CACNA1B: variants seen among roughly 807,000 people sequenced by gnomAD.
The protein encoded by CACNA1B is calcium voltage-gated channel subunit alpha1 B.
In CACNA1B, 70 loss-of-function variants were observed where a neutral mutation model predicts 247.2. That is an observed-to-expected ratio of 0.28 (90% CI 0.23 to 0.35). The LOEUF is 0.35. Ranked by LOEUF, CACNA1B falls within the 10% of genes least tolerant of loss-of-function variation. The pLI is 1.00. For missense variants in CACNA1B, 2,367 were observed against 3,197.4 expected (o/e 0.74, Z 6.26); for synonymous variants, 1,231 against 1,294.4 (o/e 0.95, Z 1.05).
At chr9:138,006,636 C>A in intron 15 of CACNA1B, 131 bp from the exon 16 acceptor site, 2 of 651,302 alleles carry the variant, frequency 3.1e-6, no homozygotes, top group Non-Finnish European at 5.7e-6. Flanking sequence ...ATCTAAAGAC[C>A]TGGATGTGCA....
intron 37 of CACNA1B, among the ~76,000 whole-genome samples, chr9:138,099,590 G>A (rs1961183016): frequency 6.6e-6 from 1 of 151,094 alleles, no homozygotes. Context: ...GTGTGTGCCT[G>A]TGGGTGTGCA....
At chr9:137,884,964 C>CT (rs1374665098) in intron 3 of CACNA1B, among the ~76,000 whole-genome samples, 2 of 109,128 alleles carry the variant, frequency 1.8e-5, no homozygotes, top group African/African-American at 3.3e-5. Flanking sequence ...TCTTCCCCCC[C>CT]CCCCTCCTCC....
chr9:137,923,476 C>T (rs1015220229), intron 6 of CACNA1B, among the ~76,000 whole-genome samples: 12 of 149,614 alleles, frequency 8.0e-5, no homozygotes, highest in Admixed American at 4.6e-4. Flanking sequence ...GGTAGTATTC[C>T]GTGGTGCCAG....
In CACNA1B at chr9:137,909,076, C is replaced by T. The variant is rs575390816; in HGVS notation, c.531-4104C>T. On this transcript the variant is annotated intron_variant, in intron 3 of 46. Coordinates refer to ENST00000371372, the MANE Select transcript of CACNA1B (RefSeq NM_000718.4). Reference sequence around the variant, plus strand: ...TGCAATCTCGGCTCACTGCAACCTCCGCCTCCTGGGTTCCAGCGATTCTCC... The same window carrying T: ...TGCAATCTCGGCTCACTGCAACCTCTGCCTCCTGGGTTCCAGCGATTCTCC... 5.3e-5 allele frequency among the ~76,000 whole-genome samples: 8 copies of T among 151,480 alleles called. No homozygotes were observed. The South Asian group carries it at 1.3e-3, about 24-fold the overall frequency.
rs200898118 is a variant in CACNA1B, at chr9:138,006,760, C to T, written c.1975-7C>T. ...GGGCTTGCCCTGTGTTCTCTCCATC[C>T]TGGCAGATCCTGACGGGAGAGGACT... On this transcript the variant is annotated splice_region_variant and splice_polypyrimidine_tract_variant and intron_variant, in intron 15 of 46. Coordinates refer to ENST00000371372, the MANE Select transcript of CACNA1B (RefSeq NM_000718.4). 1.3e-6 allele frequency: 2 copies of T among 1,548,640 alleles called. No individual in the cohort carries two copies. Among genetic ancestry groups the T allele is most frequent in the Non-Finnish European group, 1.8e-6 (2 of 1,121,150 alleles).
In CACNA1B at chr9:138,124,459, T is replaced by G. The variant is rs200178975; in HGVS notation, c.*2460T>G. The G allele has an allele frequency of 3.3e-5, 5 of 151,780 alleles. No homozygotes were observed. Among genetic ancestry groups the G allele is most frequent in the Non-Finnish European group, 5.9e-5 (4 of 67,982 alleles). The allele number at this position is 151,780 out of a possible 1,614,324, so 9.4% of individuals were successfully genotyped here. On this transcript the variant is annotated 3_prime_UTR_variant, in exon 47 of 47. Transcript: ENST00000371372. ...AAAAGTCCCAACCATGCAACACAAC[T>G]GGGACCTACTTAAAAAGAAATTCTG...
At chr9:137,931,938 T>C (rs1957612721) in intron 6 of CACNA1B, among the ~76,000 whole-genome samples, 2 of 152,134 alleles carry the variant, frequency 1.3e-5, no homozygotes, top group Admixed American at 1.3e-4. Flanking sequence ...GCCCCATGAC[T>C]CAGACAGCTG....
chr9:138,097,490 C>T (rs1025414471), intron 37 of CACNA1B, among the ~76,000 whole-genome samples: 2 of 152,220 alleles, frequency 1.3e-5, no homozygotes, highest in Non-Finnish European at 2.9e-5. Flanking sequence ...CTTGCTCGCT[C>T]ACTCACTCAA....
At chr9:138,065,190 G>A (rs1250876872) in intron 31 of CACNA1B, among the ~76,000 whole-genome samples, 3 of 152,166 alleles carry the variant, frequency 2.0e-5, no homozygotes, top group African/African-American at 7.2e-5. Flanking sequence ...TATCCTGCCT[G>A]TCTTCCAGCC....
rs577356761 is a variant in CACNA1B at position 138,054,368 on chromosome 9, C to T, written c.3968+362C>T. On this transcript the variant is annotated intron_variant, in intron 26 of 46. Coordinates refer to ENST00000371372, the MANE Select transcript of CACNA1B (RefSeq NM_000718.4). This position sits in a 1 kb window ranked among gnomAD's most constrained non-coding sequence, Gnocchi z 4.6. ...CTGGGCTGTAAGGTCAGAGGGGCTG[C>T]CCGATGGCTGGAGCTGCTGTCACTG... Among the ~76,000 whole-genome samples the T allele has an allele frequency of 9.2e-5, 14 of 152,338 alleles. No homozygotes were observed. The South Asian group carries it at 2.9e-3, about 32-fold the overall frequency.
rs1961675134 is a variant in CACNA1B, at chr9:138,112,487, C to G, written c.5518C>G (p.Leu1840Val). The G allele has an allele frequency of 1.2e-6, 2 of 1,608,386 alleles. No homozygotes were observed. The highest frequency in any genetic ancestry group is 1.7e-4 in the Middle Eastern group (1 of 6,054). The change falls in exon 40 of 47, where the codon CTG becomes GTG. Residue 1840 changes from leucine to valine, a missense_variant. This residue lies in a region of CACNA1B where 773 missense variants were observed against 779.4 expected (regional missense o/e 0.99). Transcript: ENST00000371372. ...TCTGCCCCAGAAGACTTTGGACTTGCTGGTACCACCCCATAAGCGTAAGTG... is the reference window on the plus strand; with the variant it reads ...TCTGCCCCAGAAGACTTTGGACTTGGTGGTACCACCCCATAAGCGTAAGTG... ...ANLPQKTLDL[L>V]VPPHKPDEMT...
rs199503260 is a variant in CACNA1B, at chr9:138,043,761, T to C, written c.3287-13T>C. ...CACTACACCCCTTACTCGGGGGCCC[T>C]GTGTCCTTGTAGGTGGTAACGTGGA... On this transcript the variant is annotated splice_polypyrimidine_tract_variant and intron_variant, in intron 20 of 46. Coordinates refer to ENST00000371372, the MANE Select transcript of CACNA1B (RefSeq NM_000718.4). 67 of 1,613,706 alleles carry C rather than the reference T, an allele frequency of 4.2e-5. No homozygotes were observed. Among genetic ancestry groups the C allele is most frequent in the Non-Finnish European group, 4.5e-5 (53 of 1,179,844 alleles).
rs568693626 is a variant in CACNA1B, at chr9:137,932,770, T to G, written c.966+15339T>G. Among the ~76,000 whole-genome samples the G allele has an allele frequency of 2.0e-5, 3 of 152,310 alleles. No individual in the cohort carries two copies. In the East Asian group the frequency reaches 5.8e-4, roughly 29 times the overall value. On this transcript the variant is annotated intron_variant, in intron 6 of 46. Transcript: ENST00000371372. The stretch of plus-strand genomic sequence containing the variant: ...GACCATACTTAGGCTGTCCATCCTT[T>G]AAAGCCCTTAACCAGGGATGGTTTC...
At chr9:138,114,970 C>T (rs1221748894) in intron 41 of CACNA1B, among the ~76,000 whole-genome samples, 1 of 152,176 alleles carries the variant, frequency 6.6e-6, no homozygotes, top group Non-Finnish European at 1.5e-5. Flanking sequence ...ACAGCCGTGT[C>T]TTCGGTGACC....
At chr9:137,995,834 C>A (rs1217301797) in intron 15 of CACNA1B, among the ~76,000 whole-genome samples, 1 of 152,004 alleles carries the variant, frequency 6.6e-6, no homozygotes, top group Non-Finnish European at 1.5e-5. Context: ...AAGAAAAAAA[C>A]AAACAATCTC....
intron 12 of CACNA1B, among the ~76,000 whole-genome samples, chr9:137,977,876 C>T (rs987705999): frequency 6.6e-5 from 10 of 151,152 alleles, no homozygotes; most frequent in African/African-American, 2.4e-4. Context: ...GAGCAGAGTC[C>T]CCCAGGAAGG....
chr9:138,064,600 C>T (rs1220157475), intron 31 of CACNA1B, among the ~76,000 whole-genome samples: 1 of 152,242 alleles, frequency 6.6e-6, no homozygotes. Context: ...GAAGCAGCAT[C>T]CTTGTTGGCA....
intron 7 of CACNA1B, among the ~76,000 whole-genome samples, chr9:137,953,482 T>G (rs2133339580): frequency 6.6e-6 from 1 of 152,228 alleles, no homozygotes; most frequent in African/African-American, 2.4e-5. Flanking sequence ...ATCGTGCCCT[T>G]GGTTTTGGCC....
At chr9:138,094,871 A>G (rs1296731780) in intron 36 of CACNA1B, among the ~76,000 whole-genome samples, 8 of 152,212 alleles carry the variant, frequency 5.3e-5, no homozygotes, top group Admixed American at 2.0e-4. Flanking sequence ...GGAGAGAATA[A>G]TCTTTTCAAC....
Sources: gnomAD v4.1 joint callset for allele counts (sites outside exome capture counted in the v4.1 genomes callset) on GRCh38, gnomAD v4.1.1 for gene constraint, gnomAD v4.1.1 regional missense constraint, Gnocchi (gnomAD v3.1) non-coding constraint, MANE v1.5 for transcripts, NCBI Gene and HGNC (gene_info 2026-07-23, HGNC 2026-07-21) for gene names.